The following QTMAN variants were observed in gnomAD, a reference collection of about 807,000 sequenced individuals.
QTMAN encodes queuosine-tRNA mannosyltransferase.
chr2:144,315,766 T>G, the QTMAN span, among the ~76,000 whole-genome samples: 1 of 152,210 alleles, frequency 6.6e-6, no homozygotes, highest in East Asian at 1.9e-4. Context: ...TTTCAAACAA[T>G]TAGAAAAGTA....
At chr2:144,260,029 G>T in the QTMAN span, among the ~76,000 whole-genome samples, 1 of 152,248 alleles carries the variant, frequency 6.6e-6, no homozygotes, top group African/African-American at 2.4e-5. Flanking sequence ...AAGAAAGTCT[G>T]CTAATTTTTA....
the QTMAN span, among the ~76,000 whole-genome samples, chr2:144,027,976 G>T: frequency 1.3e-5 from 2 of 152,256 alleles, no homozygotes; most frequent in East Asian, 3.9e-4. Context: ...TGTGGGGGCC[G>T]TTAGTATCTA....
the QTMAN span, among the ~76,000 whole-genome samples, chr2:144,330,056 T>G: frequency 3.3e-5 from 5 of 152,218 alleles, no homozygotes; most frequent in Non-Finnish European, 7.3e-5. Flanking sequence ...TCAGGACTCA[T>G]GCACTTGAGG....
At chr2:143,994,509 T>C in the QTMAN span, among the ~76,000 whole-genome samples, 1 of 152,150 alleles carries the variant, frequency 6.6e-6, no homozygotes, top group Non-Finnish European at 1.5e-5. Context: ...ATATGACAAA[T>C]GAATAAGCAA....
chr2:144,325,730 C>T, the QTMAN span, among the ~76,000 whole-genome samples: 7 of 152,318 alleles, frequency 4.6e-5, no homozygotes, highest in Admixed American at 4.6e-4. Context: ...CGCCTCTACA[C>T]ATATACACAC....
the QTMAN span, among the ~76,000 whole-genome samples, chr2:144,246,669 T>C: frequency 2.6e-5 from 4 of 152,004 alleles, no homozygotes; most frequent in Non-Finnish European, 5.9e-5. Flanking sequence ...CAATTTACTG[T>C]GTTCCAACTA....
At chr2:144,027,145 A>G in the QTMAN span, among the ~76,000 whole-genome samples, 1 of 152,188 alleles carries the variant, frequency 6.6e-6, no homozygotes, top group Non-Finnish European at 1.5e-5. Flanking sequence ...TGGAGGCAAG[A>G]GCCATCTGGT....
chr2:144,101,730 C>CT, the QTMAN span, among the ~76,000 whole-genome samples: 1 of 151,840 alleles, frequency 6.6e-6, no homozygotes, highest in Non-Finnish European at 1.5e-5. Context: ...TATATATTCC[C>CT]TTTTTGAATG....
chr2:144,099,312 A>G, the QTMAN span, among the ~76,000 whole-genome samples: 1 of 152,180 alleles, frequency 6.6e-6, no homozygotes, highest in Non-Finnish European at 1.5e-5. Flanking sequence ...CTTTTCAAAA[A>G]CCAGTAAGTA....
At chr2:144,185,744 C>T in the QTMAN span, among the ~76,000 whole-genome samples, 88 of 152,234 alleles carry the variant, frequency 5.8e-4, 1 homozygote, top group South Asian at 3.9e-3. Flanking sequence ...GGATGTACAG[C>T]CACTAGCAAG....
chr2:144,002,025 A>G, the QTMAN span, among the ~76,000 whole-genome samples: 1 of 151,916 alleles, frequency 6.6e-6, no homozygotes, highest in Non-Finnish European at 1.5e-5. Flanking sequence ...TCATAAGGAT[A>G]ACTAAAGATG....
the QTMAN span, among the ~76,000 whole-genome samples, chr2:144,000,567 C>T: frequency 6.6e-6 from 1 of 151,998 alleles, no homozygotes; most frequent in Admixed American, 6.6e-5. Flanking sequence ...GGTCATTATT[C>T]CTACTCAATC....
At chr2:144,325,083 C>T in the QTMAN span, among the ~76,000 whole-genome samples, 1 of 152,142 alleles carries the variant, frequency 6.6e-6, no homozygotes, top group Admixed American at 6.5e-5. Flanking sequence ...ATTTTAAGGG[C>T]CTACACTACA....
chr2:144,204,255 A>G, the QTMAN span, among the ~76,000 whole-genome samples: 1 of 152,232 alleles, frequency 6.6e-6, no homozygotes, highest in East Asian at 1.9e-4. Flanking sequence ...CATCTGACAA[A>G]GAGCTAATAA....
At chr2:143,969,879 A>G in the QTMAN span, among the ~76,000 whole-genome samples, 1 of 152,208 alleles carries the variant, frequency 6.6e-6, no homozygotes, top group South Asian at 2.1e-4. Context: ...AGCACTTGCT[A>G]AGTGAAAGTA....
At chr2:144,323,385 T>C in the QTMAN span, among the ~76,000 whole-genome samples, 14 of 152,214 alleles carry the variant, frequency 9.2e-5, no homozygotes, top group Admixed American at 8.5e-4. Context: ...TAAGTGAAAG[T>C]GGCTTTTTCT....
chr2:144,297,326 A>G, the QTMAN span, among the ~76,000 whole-genome samples: 281 of 152,274 alleles, frequency 1.8e-3, 1 homozygote, highest in African/African-American at 6.3e-3. Flanking sequence ...ACGGAGAAAC[A>G]ATGGATTTCA....
chr2:144,194,536 T>C, the QTMAN span, among the ~76,000 whole-genome samples: 1 of 152,216 alleles, frequency 6.6e-6, no homozygotes, highest in South Asian at 2.1e-4. Context: ...AAGTTGGGAT[T>C]AGTCAGTACA....
the QTMAN span, among the ~76,000 whole-genome samples, chr2:143,979,060 C>A: frequency 6.6e-6 from 1 of 152,040 alleles, no homozygotes; most frequent in Non-Finnish European, 1.5e-5. Flanking sequence ...CTGCTTTACT[C>A]TGACAACCAG....
Sources: gnomAD v4.1 joint callset for allele counts (sites outside exome capture counted in the v4.1 genomes callset) on GRCh38, gnomAD v4.1.1 for gene constraint, MANE v1.5 for transcripts, NCBI Gene and HGNC (gene_info 2026-07-23, HGNC 2026-07-21) for gene names.